PPHLN1: variants seen among roughly 807,000 people sequenced by gnomAD.
PPHLN1 encodes the protein periphilin-1.
PPHLN1 carries 29 observed loss-of-function variants against 51.3 expected under a neutral mutation model. That is an observed-to-expected ratio of 0.57 (90% CI 0.42 to 0.77). The LOEUF (loss-of-function observed/expected upper bound fraction) is 0.77, where lower values mean the gene tolerates loss of function less well. Ranked by LOEUF, PPHLN1 falls within the 30% of genes least tolerant of loss-of-function variation. The pLI, the probability that PPHLN1 is intolerant of heterozygous loss-of-function variation, is 0.00. For missense variants in PPHLN1, 436 were observed against 438.4 expected, an observed-to-expected ratio of 0.99 and a Z score of 0.05; for synonymous variants, 147 against 147.8, an observed-to-expected ratio of 0.99 and a Z score of 0.04.
chr12:42,398,845 C>A lies in PPHLN1; in HGVS notation c.769-9C>A. On this transcript the variant is annotated splice_polypyrimidine_tract_variant and intron_variant, in intron 8 of 9. Transcript: ENST00000358314. The stretch of plus-strand genomic sequence containing the variant: ...GAAAATAATTAAAGATTTCTAATTC[C>A]TTTTCAAGGCGGGATCCACAGCACC... The A allele has an allele frequency of 6.2e-7, 1 of 1,610,758 alleles. No homozygotes were observed. Among genetic ancestry groups the A allele is most frequent in the Admixed American group, 1.7e-5 (1 of 59,542 alleles).
intron 9 of PPHLN1, among the ~76,000 whole-genome samples, chr12:42,434,476 A>T (rs1221758437): frequency 6.6e-6 from 1 of 152,214 alleles, no homozygotes. Flanking sequence ...CCCTCAGTTT[A>T]TAGTTGCCTG....
intron 4 of PPHLN1, among the ~76,000 whole-genome samples, chr12:42,367,445 A>G (rs534835614): frequency 2.4e-4 from 36 of 152,176 alleles, no homozygotes; most frequent in Admixed American, 9.8e-4. Context: ...TTAAGACACC[A>G]TGGAAAGGTC....
intron 2 of PPHLN1, among the ~76,000 whole-genome samples, chr12:42,348,279 T>TTTTC (rs1395815302): frequency 7.2e-6 from 1 of 138,068 alleles, no homozygotes; most frequent in Non-Finnish European, 1.6e-5. Context: ...CTGGCTAATT[T>TTTTC]TTTTTTTTTT....
chr12:42,411,903 C>CAAAAAA lies in PPHLN1; in HGVS notation c.909+12924_909+12929dup, dbSNP rs1212289027. ...TGGGGGATAGAGTGAGACTCAGTCT[C>CAAAAAA]AAAAAAAAAAAAAAAAAAAAGGGCT... is the stretch of plus-strand genomic sequence containing the variant. On this transcript the variant is annotated intron_variant, in intron 9 of 9. Coordinates refer to ENST00000358314, the MANE Select transcript of PPHLN1 (RefSeq NM_201439.2). Among the ~76,000 whole-genome samples, 19 of 33,984 alleles carry CAAAAAA rather than the reference C, an allele frequency of 5.6e-4. 3 individuals carry two copies. In the East Asian group the frequency reaches 0.015, roughly 27 times the overall value. The allele number at this position is 33,984 out of a possible 152,430, so 22.3% of individuals were successfully genotyped here.
At chr12:42,445,673 G>A (rs918338598), downstream of PPHLN1, 13 of 253,370 alleles carry the variant, frequency 5.1e-5, no homozygotes, top group East Asian at 8.3e-5. Flanking sequence ...CAGGCATCCC[G>A]TACAACCCCC....
At chr12:42,446,323 G>A (rs961185926), downstream of PPHLN1, 6 of 1,544,748 alleles carry the variant, frequency 3.9e-6, no homozygotes, top group African/African-American at 8.2e-5. Context: ...CACTTTGCCT[G>A]TTACCCGTAC....
chr12:42,425,042 G>GTATA (rs1555219827), intron 9 of PPHLN1, among the ~76,000 whole-genome samples: 1 of 143,712 alleles, frequency 7.0e-6, no homozygotes, highest in Admixed American at 7.0e-5. Context: ...TTTATTTTAT[G>GTATA]TATGTATGTA....
intron 9 of PPHLN1, among the ~76,000 whole-genome samples, chr12:42,405,156 C>T (rs2079180839): frequency 6.6e-6 from 1 of 152,156 alleles, no homozygotes; most frequent in African/African-American, 2.4e-5. Flanking sequence ...ATACACATAG[C>T]ATAAAAAGAT....
chr12:42,327,334 T>C (rs1389330153), intron 1 of PPHLN1, among the ~76,000 whole-genome samples: 1 of 152,226 alleles, frequency 6.6e-6, no homozygotes, highest in African/African-American at 2.4e-5. Context: ...ACCTTAACTA[T>C]TGATAACACG....
intron 9 of PPHLN1, among the ~76,000 whole-genome samples, chr12:42,429,828 A>G (rs2081873436): frequency 6.6e-6 from 1 of 152,236 alleles, no homozygotes; most frequent in Non-Finnish European, 1.5e-5. Flanking sequence ...TCAAAGCAGA[A>G]CAGATCCATC....
At chr12:42,426,012 A>G (rs2081422708) in intron 9 of PPHLN1, among the ~76,000 whole-genome samples, 3 of 152,370 alleles carry the variant, frequency 2.0e-5, no homozygotes, top group African/African-American at 7.2e-5. Context: ...AGTAGCTTAC[A>G]GAATAATAAT....
chr12:42,353,246 C>T (rs58229270), intron 3 of PPHLN1, among the ~76,000 whole-genome samples: 5,015 of 152,242 alleles, frequency 0.033, 276 homozygotes, highest in African/African-American at 0.11. Flanking sequence ...TGCATGTTTT[C>T]AGTATTCCTT....
downstream of PPHLN1, chr12:42,444,758 T>C: frequency 2.6e-6 from 1 of 379,882 alleles, no homozygotes; most frequent in Non-Finnish European, 4.7e-6. Context: ...ATATAAAACA[T>C]GCCCTTCCTG....
chr12:42,411,828 C>A (rs1317851897), intron 9 of PPHLN1, among the ~76,000 whole-genome samples: 1 of 140,170 alleles, frequency 7.1e-6, no homozygotes, highest in African/African-American at 2.7e-5. Flanking sequence ...TCGCTGGCAC[C>A]CAGAGGTGGA....
chr12:42,358,461 G>GCTCC (rs1390169292), intron 4 of PPHLN1, among the ~76,000 whole-genome samples: 1 of 152,166 alleles, frequency 6.6e-6, no homozygotes, highest in Non-Finnish European at 1.5e-5. Context: ...TGTGATCATG[G>GCTCC]CTCCCTGTAG....
At chr12:42,426,578 A>G (rs183448127) in intron 9 of PPHLN1, among the ~76,000 whole-genome samples, 63 of 152,382 alleles carry the variant, frequency 4.1e-4, no homozygotes, top group African/African-American at 1.4e-3. Context: ...ACAAAGGTCT[A>G]TATGAAAATG....
chr12:42,441,539 AAAC>A lies in PPHLN1; in HGVS notation c.*32_*34del, dbSNP rs766549232. ...TTCTGCTCAGGCTAAAAAAAAAAAA[AAAC>A]AGTTTCTAAAAATTTTTTTTCCTGG... On this transcript the variant is annotated 3_prime_UTR_variant, in exon 10 of 10. Transcript: ENST00000358314. 10 of 1,518,414 alleles carry A rather than the reference AAAC, an allele frequency of 6.6e-6. No homozygotes were observed. Among genetic ancestry groups the A allele is most frequent in the Non-Finnish European group, 8.8e-6 (10 of 1,138,142 alleles). The allele number at this position is 1,518,414 out of a possible 1,614,324, so 94.1% of individuals were successfully genotyped here.
At chr12:42,370,397 C>A (rs1482201675) in intron 4 of PPHLN1, among the ~76,000 whole-genome samples, 1 of 152,192 alleles carries the variant, frequency 6.6e-6, no homozygotes, top group Non-Finnish European at 1.5e-5. Context: ...CACATTCTTT[C>A]TTTACTTTTT....
At chr12:42,378,021 T>C (rs977577907) in intron 5 of PPHLN1, among the ~76,000 whole-genome samples, 1 of 152,154 alleles carries the variant, frequency 6.6e-6, no homozygotes, top group African/African-American at 2.4e-5. Context: ...GACTAAAATA[T>C]GGGGTAAATT....
Sources: gnomAD v4.1 joint callset for allele counts (sites outside exome capture counted in the v4.1 genomes callset) on GRCh38, gnomAD v4.1.1 for gene constraint, MANE v1.5 for transcripts, NCBI Gene and HGNC (gene_info 2026-07-23, HGNC 2026-07-21) for gene names.